CELF2: variants seen among roughly 807,000 people sequenced by gnomAD.
CELF2 encodes the protein CUGBP Elav-like family member 2.
In CELF2, 8 loss-of-function variants were observed where a neutral mutation model predicts 62.6. The observed-to-expected ratio is 0.13, with a 90% CI of 0.07 to 0.23. The LOEUF is 0.23. CELF2 is among the 10% of genes least tolerant of loss of function. The probability of loss-of-function intolerance (pLI) is 1.00; values close to 1 mark genes in which losing one functional copy is unlikely to be tolerated. For synonymous variants in CELF2, 258 were observed against 250.0 expected (o/e 1.03, Z -0.30); for missense variants, 333 against 671.0 (o/e 0.50, Z 5.56).
upstream of CELF2, chr10:11,005,259 A>AGG (rs2055001853): frequency 2.6e-6 from 2 of 783,334 alleles, no homozygotes; most frequent in African/African-American, 3.1e-5. The surrounding 1 kb of genome is among the most constrained non-coding windows in gnomAD (Gnocchi z 4.3). Flanking sequence ...AGAGAGGGAG[A>AGG]GAGAGAGAGA....
intron 1 of CELF2, among the ~76,000 whole-genome samples, chr10:11,062,876 TCAGTCAAAG>T (rs1440679392): frequency 6.6e-6 from 1 of 152,026 alleles, no homozygotes; most frequent in Non-Finnish European, 1.5e-5. Context: ...TTTCCCTGAG[TCAGTCAAAG>T]CAGCAAACTT....
At chr10:10,991,745 A>T (rs185659309) in intron 2 of CELF2, among the ~76,000 whole-genome samples, 1 of 152,338 alleles carries the variant, frequency 6.6e-6, no homozygotes, top group East Asian at 1.9e-4. Flanking sequence ...CTCTTCAAAA[A>T]TTACTGGAAC....
chr10:11,299,087 A>G (rs1454130544), intron 9 of CELF2, among the ~76,000 whole-genome samples: 3 of 152,232 alleles, frequency 2.0e-5, no homozygotes, highest in East Asian at 1.9e-4. Flanking sequence ...ACCTACCACA[A>G]ATGCCACTTG....
At chr10:10,473,746 T>C in the CELF2 span, among the ~76,000 whole-genome samples, 1 of 152,060 alleles carries the variant, frequency 6.6e-6, no homozygotes, top group Non-Finnish European at 1.5e-5. Flanking sequence ...AAAGAAAAAG[T>C]GAGGCTTAAT....
intron 11 of CELF2, among the ~76,000 whole-genome samples, chr10:11,323,235 G>A (rs1277782748): frequency 6.6e-6 from 1 of 151,830 alleles, no homozygotes; most frequent in African/African-American, 2.4e-5. Context: ...TTAAGAGTGC[G>A]GGTTTTCAGT....
chr10:10,878,837 C>G lies in CELF2; in HGVS notation c.54-41127C>G, dbSNP rs181996848. The stretch of plus-strand genomic sequence containing the variant: ...TGACAGCATTGTTACAGCATCTTCT[C>G]GTCTCTGCCAAGCTCTGGGTGAAGA... On this transcript the variant is annotated intron_variant, in intron 1 of 13. Transcript: ENST00000636488. Among the ~76,000 whole-genome samples the G allele has an allele frequency of 2.7e-3, 416 of 152,288 alleles. 3 individuals carry two copies. Among genetic ancestry groups the G allele is most frequent in the African/African-American group, 9.6e-3 (401 of 41,558 alleles).
At chr10:11,014,484 A>G (rs1349879515), upstream of CELF2, among the ~76,000 whole-genome samples, 1 of 152,190 alleles carries the variant, frequency 6.6e-6, no homozygotes, top group East Asian at 1.9e-4. Context: ...TTTGTGCAAA[A>G]ATGTTGAAAG....
At chr10:11,126,024 C>G (rs1238258499) in intron 1 of CELF2, among the ~76,000 whole-genome samples, 1 of 152,146 alleles carries the variant, frequency 6.6e-6, no homozygotes, top group Non-Finnish European at 1.5e-5. Context: ...TAAGGTCTTT[C>G]TGTTCACTTG....
the CELF2 span, among the ~76,000 whole-genome samples, chr10:10,583,308 G>C: frequency 6.6e-6 from 1 of 152,092 alleles, no homozygotes; most frequent in Non-Finnish European, 1.5e-5. Flanking sequence ...ATGTCTATGT[G>C]TCCTCAGGGC....
At chr10:10,713,342 G>C in the CELF2 span, among the ~76,000 whole-genome samples, 1 of 152,102 alleles carries the variant, frequency 6.6e-6, no homozygotes, top group Non-Finnish European at 1.5e-5. Context: ...GTGACTCTAC[G>C]GTGTTCATTG....
Position 11,062,597 on chromosome 10 carries a change from G to T in CELF2, c.74+44434G>T, listed in dbSNP as rs546931298. Among the ~76,000 whole-genome samples, 3 of 152,270 alleles carry T rather than the reference G, an allele frequency of 2.0e-5. No individual in the cohort carries two copies. The South Asian group carries it at 6.2e-4, about 32-fold the overall frequency. ...AAAGAATTCGAATTAGAGGTGGAGC[G>T]TGGAGATGGGACTGAATTGCTGCAG... On this transcript the variant is annotated intron_variant, in intron 1 of 12. Coordinates refer to ENST00000633077, the MANE Select transcript of CELF2 (RefSeq NM_001326342.2).
the CELF2 span, among the ~76,000 whole-genome samples, chr10:10,717,697 A>T: frequency 6.6e-6 from 1 of 152,212 alleles, no homozygotes; most frequent in Non-Finnish European, 1.5e-5. Flanking sequence ...AATGAACAAC[A>T]AATCAAAAGC....
chr10:11,130,809 C>A (rs2059507971), intron 1 of CELF2, among the ~76,000 whole-genome samples: 1 of 152,154 alleles, frequency 6.6e-6, no homozygotes, highest in South Asian at 2.1e-4. Context: ...CCTTTTTCTG[C>A]TCCACTTTTC....
At chr10:10,646,201 G>A in the CELF2 span, among the ~76,000 whole-genome samples, 2 of 152,162 alleles carry the variant, frequency 1.3e-5, no homozygotes, top group Non-Finnish European at 2.9e-5. Context: ...AAGCTACAAA[G>A]AGTAGAGTCT....
chr10:11,007,830 G>A (rs1168266591), intron 1 of CELF2, among the ~76,000 whole-genome samples: 4 of 152,104 alleles, frequency 2.6e-5, no homozygotes, highest in African/African-American at 7.2e-5. Flanking sequence ...TTAAAGAAAC[G>A]ACGTGGAAAC....
the CELF2 span, among the ~76,000 whole-genome samples, chr10:10,503,964 TATC>T: frequency 2.6e-5 from 4 of 152,070 alleles, no homozygotes; most frequent in Non-Finnish European, 5.9e-5. Flanking sequence ...GATCTGCTGA[TATC>T]ATCATTTTAC....
At chr10:11,024,925 T>C (rs1177206792) in intron 1 of CELF2, among the ~76,000 whole-genome samples, 2 of 152,222 alleles carry the variant, frequency 1.3e-5, no homozygotes, top group Non-Finnish European at 2.9e-5. Context: ...TTGATTTACA[T>C]ACTAAGTCTA....
At chr10:11,063,826 C>T (rs551867772) in intron 1 of CELF2, among the ~76,000 whole-genome samples, 2 of 152,294 alleles carry the variant, frequency 1.3e-5, no homozygotes, top group East Asian at 3.9e-4. Flanking sequence ...TGTGCCTAGG[C>T]CTGTCTCTGC....
chr10:11,261,030 T>G (rs906316925), intron 5 of CELF2, among the ~76,000 whole-genome samples: 1 of 152,218 alleles, frequency 6.6e-6, no homozygotes, highest in Admixed American at 6.5e-5. Flanking sequence ...AAAAATTAAG[T>G]GAAACAAAAG....
Sources: gnomAD v4.1 joint callset for allele counts (sites outside exome capture counted in the v4.1 genomes callset) on GRCh38, gnomAD v4.1.1 for gene constraint, Gnocchi (gnomAD v3.1) non-coding constraint, MANE v1.5 for transcripts, NCBI Gene and HGNC (gene_info 2026-07-23, HGNC 2026-07-21) for gene names.